DLG2: variants seen among roughly 807,000 people sequenced by gnomAD.
DLG2 encodes disks large homolog 2.
A neutral mutation model predicts 132.5 loss-of-function variants in DLG2; 45 were observed. That is an observed-to-expected ratio of 0.34 (90% CI 0.27 to 0.44). The LOEUF (loss-of-function observed/expected upper bound fraction) is 0.44. DLG2 is among the 20% of genes least tolerant of loss of function. The pLI is 1.00. For missense variants in DLG2, 1,045 were observed against 1,196.9 expected (o/e 0.87, Z 1.87); for synonymous variants, 424 against 419.6 (o/e 1.01, Z -0.13).
intron 6 of DLG2, among the ~76,000 whole-genome samples, chr11:84,676,398 T>A (rs2099711232): frequency 6.6e-6 from 1 of 152,072 alleles, no homozygotes; most frequent in South Asian, 2.1e-4. Context: ...TCTTAAGAAA[T>A]GTCTGTATGG....
At chr11:84,813,843 C>A (rs1213421297) in intron 6 of DLG2, among the ~76,000 whole-genome samples, 3 of 130,618 alleles carry the variant, frequency 2.3e-5, no homozygotes, top group Non-Finnish European at 5.1e-5. Flanking sequence ...TTCTCAGTAC[C>A]CCAGTGTTAA....
At chr11:83,553,327 C>CT (rs1404785881) in intron 19 of DLG2, among the ~76,000 whole-genome samples, 8 of 151,952 alleles carry the variant, frequency 5.3e-5, no homozygotes, top group Non-Finnish European at 1.2e-4. Context: ...AGAATTTTTC[C>CT]TTTTTTGGTA....
At chr11:84,907,577 T>C (rs1423550458) in intron 6 of DLG2, among the ~76,000 whole-genome samples, 3 of 152,232 alleles carry the variant, frequency 2.0e-5, no homozygotes, top group African/African-American at 4.8e-5. Context: ...AATAGAGCTA[T>C]GTAAAGAAGG....
Position 84,028,414 on chromosome 11 carries a change from A to G in DLG2, c.919+30901T>C, listed in dbSNP as rs370586058. Among the ~76,000 whole-genome samples, 12 of 152,246 alleles carry G rather than the reference A, an allele frequency of 7.9e-5. No homozygotes were observed. The East Asian group carries it at 1.2e-3, about 15-fold the overall frequency. On this transcript the variant is annotated intron_variant, in intron 11 of 27. Transcript: ENST00000376104. Reference sequence around the variant, plus strand: ...GAAAACAACAACAAAACAAAACTCAATCTAGTCTCTATCACATTCATCTCA... The same window carrying G: ...GAAAACAACAACAAAACAAAACTCAGTCTAGTCTCTATCACATTCATCTCA...
chr11:85,332,451 C>G (rs1299085287), intron 3 of DLG2, among the ~76,000 whole-genome samples: 1 of 152,068 alleles, frequency 6.6e-6, no homozygotes, highest in East Asian at 1.9e-4. Context: ...TTTGCAGAAG[C>G]TTTTTAATTT....
intron 19 of DLG2, among the ~76,000 whole-genome samples, chr11:83,553,483 CGTGTGTGT>C (rs71959561): frequency 0.025 from 3,608 of 143,808 alleles, 62 homozygotes; most frequent in African/African-American, 0.032. Context: ...AAGTAAGCAC[CGTGTGTGT>C]GTGTGTGTGT....
At chr11:83,866,274 G>C (rs1474225136) in intron 16 of DLG2, among the ~76,000 whole-genome samples, 1 of 152,130 alleles carries the variant, frequency 6.6e-6, no homozygotes, top group African/African-American at 2.4e-5. Flanking sequence ...TTCAAAGAGA[G>C]GTAATGGTGC....
At chr11:85,307,420 T>TG (rs944818214) in intron 3 of DLG2, among the ~76,000 whole-genome samples, 3 of 152,028 alleles carry the variant, frequency 2.0e-5, no homozygotes, top group African/African-American at 4.8e-5. Context: ...TCTAAGCATG[T>TG]GAAAAAAAAA....
intron 4 of DLG2, among the ~76,000 whole-genome samples, chr11:85,233,538 T>A (rs992705667): frequency 1.3e-5 from 2 of 151,884 alleles, no homozygotes; most frequent in South Asian, 2.1e-4. Context: ...CTCTCCAGGT[T>A]TGGTCATATT....
At chr11:83,564,323 G>C (rs929033032) in intron 19 of DLG2, among the ~76,000 whole-genome samples, 4 of 152,092 alleles carry the variant, frequency 2.6e-5, no homozygotes, top group African/African-American at 9.7e-5. Flanking sequence ...ACAGGAGCAC[G>C]ATACAGTGCA....
At chr11:84,986,860 G>C (rs2056549727) in intron 6 of DLG2, among the ~76,000 whole-genome samples, 2 of 152,132 alleles carry the variant, frequency 1.3e-5, no homozygotes, top group South Asian at 4.1e-4. Flanking sequence ...ACAAGACAAG[G>C]ATGCCTGCTC....
At chr11:85,121,609 G>C (rs1017363291) in intron 5 of DLG2, among the ~76,000 whole-genome samples, 1 of 151,842 alleles carries the variant, frequency 6.6e-6, no homozygotes, top group Non-Finnish European at 1.5e-5. Context: ...ATGATAATTT[G>C]GTTTATCATA....
chr11:85,508,806 A>G (rs1021598424), intron 3 of DLG2, among the ~76,000 whole-genome samples: 2 of 152,092 alleles, frequency 1.3e-5, no homozygotes, highest in Non-Finnish European at 2.9e-5. Flanking sequence ...TATTATTCCG[A>G]GACAGTAAAA....
chr11:84,139,023 CA>C, intron 9 of DLG2, among the ~76,000 whole-genome samples: 1 of 150,878 alleles, frequency 6.6e-6, no homozygotes, highest in Admixed American at 6.6e-5. Context: ...TTTACCACAG[CA>C]AAGTGAATAA....
chr11:83,514,073 T>TTGG (rs1272163322), intron 21 of DLG2, among the ~76,000 whole-genome samples: 4 of 152,116 alleles, frequency 2.6e-5, no homozygotes, highest in Admixed American at 2.0e-4. Flanking sequence ...AAGAAAGTCA[T>TTGG]TGGTAGCTTG....
chr11:84,359,735 T>G (rs527728970), intron 7 of DLG2, among the ~76,000 whole-genome samples: 85 of 151,720 alleles, frequency 5.6e-4, no homozygotes, highest in African/African-American at 2.0e-3. Flanking sequence ...TAAAATGTCA[T>G]CCTTTCTTCT....
At chr11:85,205,453 A>G (rs186836137) in intron 4 of DLG2, among the ~76,000 whole-genome samples, 2 of 152,164 alleles carry the variant, frequency 1.3e-5, no homozygotes, top group East Asian at 3.9e-4. Context: ...ATAGAAGAAA[A>G]AAGTTACAGT....
Position 83,498,774 on chromosome 11 carries a change from C to CT in DLG2, c.2194-14547dup, listed in dbSNP as rs34217800. On this transcript the variant is annotated intron_variant, in intron 21 of 27. Coordinates refer to ENST00000376104, the MANE Select transcript of DLG2 (RefSeq NM_001142699.3). ...ACAAAACAAAGTGGGGAAGAAAAAT[C>CT]TTTTTTTTTTTTTGCAAAGATTGAT... 3.8e-3 allele frequency among the ~76,000 whole-genome samples: 540 copies of CT among 143,398 alleles called. 2 individuals carry two copies. Among genetic ancestry groups the CT allele is most frequent in the African/African-American group, 7.6e-3 (299 of 39,324 alleles). 94.1% of individuals were successfully genotyped at this position (143,398 alleles called of 152,430 possible).
intron 5 of DLG2, among the ~76,000 whole-genome samples, chr11:85,140,698 A>G (rs1238191291): frequency 6.6e-6 from 1 of 151,566 alleles, no homozygotes; most frequent in Non-Finnish European, 1.5e-5. Context: ...ATACTTTTAT[A>G]TAAATTAACC....
Sources: allele counts gnomAD v4.1 joint callset (sites outside exome capture counted in the v4.1 genomes callset), GRCh38; gene constraint gnomAD v4.1.1; transcripts MANE v1.5; gene names NCBI Gene and HGNC (gene_info 2026-07-23, HGNC 2026-07-21).